Variants in TMED8 observed in about 807,000 individuals in gnomAD.
The protein encoded by TMED8 is protein TMED8.
A neutral mutation model predicts 32.7 loss-of-function variants in TMED8; 15 were observed. The ratio of observed to expected loss-of-function variants is 0.46; its 90% CI spans 0.31 to 0.71. The LOEUF is 0.71. Among genes scored for constraint, TMED8 ranks in the 30% least tolerant of loss-of-function variants. The probability of loss-of-function intolerance (pLI) is 0.06; values close to 1 mark genes in which losing one functional copy is unlikely to be tolerated. For synonymous variants in TMED8, 147 were observed against 161.4 expected, an observed-to-expected ratio of 0.91 and a Z score of 0.68; for missense variants, 390 against 423.9, an observed-to-expected ratio of 0.92 and a Z score of 0.70.
At chr14:77,359,071 C>T (rs1376502142) in intron 1 of TMED8, among the ~76,000 whole-genome samples, 1 of 152,082 alleles carries the variant, frequency 6.6e-6, no homozygotes, top group African/African-American at 2.4e-5. Flanking sequence ...CCACACCTGG[C>T]TAATTTTTTA....
At chr14:77,346,302 A>G in intron 3 of TMED8, 47 bp downstream of exon 3, 2 of 1,604,056 alleles carry the variant, frequency 1.2e-6, no homozygotes, top group South Asian at 2.2e-5. Flanking sequence ...ATGTGTCCAC[A>G]TTCTGGTGCC....
chr14:77,364,380 A>G (rs566997304), intron 1 of TMED8, among the ~76,000 whole-genome samples: 1 of 152,176 alleles, frequency 6.6e-6, no homozygotes, highest in African/African-American at 2.4e-5. Flanking sequence ...TGAGGCTAGG[A>G]CCACAGGTAT....
At position 77,338,208 on chromosome 14, in the gene TMED8, CA is replaced by C. The variant is rs1892811180; in HGVS notation, c.*3562del. ...ACTCTGGTATAGCATCACATGACAG[CA>C]GGCCCCAAAGGAAATTTACCCCCCA... On this transcript the variant is annotated 3_prime_UTR_variant, in exon 6 of 6. Coordinates refer to ENST00000216468, the MANE Select transcript of TMED8 (RefSeq NM_213601.3). 1.3e-5 allele frequency: 2 copies of C among 152,264 alleles called. No individual in the cohort carries two copies. The highest frequency in any genetic ancestry group is 3.9e-4 in the East Asian group (2 of 5,180). 9.4% of individuals were successfully genotyped at this position (152,264 alleles called of 1,614,324 possible). A position where few individuals can be genotyped will look rare whatever the true frequency, so the allele number is the denominator to read the frequency against.
rs1892729727 is a variant in TMED8 at position 77,335,074 on chromosome 14, G to C, written c.*6697C>G. On this transcript the variant is annotated 3_prime_UTR_variant, in exon 6 of 6. Coordinates refer to ENST00000216468, the MANE Select transcript of TMED8 (RefSeq NM_213601.3). Reference sequence around the variant, plus strand: ...TTATGACAGATTCGAAAACTCAGAAGAGATGACAAAGAATGCACAAAAGCA... The same window carrying C: ...TTATGACAGATTCGAAAACTCAGAACAGATGACAAAGAATGCACAAAAGCA... The C allele has an allele frequency of 6.6e-6, 1 of 152,176 alleles. No individual in the cohort carries two copies. The highest frequency in any genetic ancestry group is 1.5e-5 in the Non-Finnish European group (1 of 68,028). The allele number at this position is 152,176 out of a possible 1,614,324, so 9.4% of individuals were successfully genotyped here. A position where few individuals can be genotyped will look rare whatever the true frequency, so the allele number is the denominator to read the frequency against.
At chr14:77,364,694 C>A (rs1893511692) in intron 1 of TMED8, among the ~76,000 whole-genome samples, 1 of 152,144 alleles carries the variant, frequency 6.6e-6, no homozygotes, top group Non-Finnish European at 1.5e-5. Flanking sequence ...CCCCAGCTTG[C>A]ATTTTGTTAT....
intron 1 of TMED8, among the ~76,000 whole-genome samples, chr14:77,355,105 T>G (rs1185858808): frequency 6.6e-6 from 1 of 151,988 alleles, no homozygotes; most frequent in African/African-American, 2.4e-5. Context: ...GTATATCCCT[T>G]GAGAAATACA....
At position 77,339,823 on chromosome 14, in the gene TMED8, C is replaced by T. The variant is rs1892851199; in HGVS notation, c.*1948G>A. The T allele has an allele frequency of 6.6e-6, 1 of 152,218 alleles. No homozygotes were observed. The highest frequency in any genetic ancestry group is 2.1e-4 in the South Asian group (1 of 4,828). The allele number at this position is 152,218 out of a possible 1,614,324, so 9.4% of individuals were successfully genotyped here. ...AGAATGGGAATGCTCTGGCAGTCCC[C>T]AACATCCTATCCCACTTGGGGCTTT... On this transcript the variant is annotated 3_prime_UTR_variant, in exon 6 of 6. Transcript: ENST00000216468.
chr14:77,345,531 C>T (rs1893004703), intron 3 of TMED8, among the ~76,000 whole-genome samples: 1 of 151,892 alleles, frequency 6.6e-6, no homozygotes, highest in Admixed American at 6.6e-5. Context: ...ACCACTACAC[C>T]ATCACTTCCA....
intron 1 of TMED8, among the ~76,000 whole-genome samples, chr14:77,362,168 C>A (rs1269863464): frequency 6.6e-6 from 1 of 151,658 alleles, no homozygotes; most frequent in Admixed American, 6.6e-5. Context: ...ATGGACATAA[C>A]TTCTACCATT....
At chr14:77,352,083 T>G (rs966994176) in intron 1 of TMED8, among the ~76,000 whole-genome samples, 6 of 152,122 alleles carry the variant, frequency 3.9e-5, no homozygotes, top group Non-Finnish European at 1.5e-5. Flanking sequence ...GAGGATTGCT[T>G]GAGACCAGGA....
intron 1 of TMED8, among the ~76,000 whole-genome samples, chr14:77,370,525 TTG>T (rs142679650): frequency 0.018 from 2,729 of 152,182 alleles, 46 homozygotes; most frequent in Middle Eastern, 0.078. Context: ...CATGCCAAGT[TTG>T]TGTGTGTGTC....
chr14:77,343,359 G>A lies in TMED8; in HGVS notation c.579C>T (p.Ile193=). 6.2e-7 allele frequency: 1 copy of A among 1,614,112 alleles called. No individual in the cohort carries two copies. Among genetic ancestry groups the A allele is most frequent in the Non-Finnish European group, 8.5e-7 (1 of 1,180,012 alleles). Residue 193 remains isoleucine (I), a synonymous_variant, in exon 5 of 6, where the codon ATC becomes ATT. Coordinates refer to ENST00000216468, the MANE Select transcript of TMED8 (RefSeq NM_213601.3). ...LVVKRGEVVT[I]RVPTHPEGKR... is the part of the protein sequence containing the mutation. ...TCCCCTCTGGATGAGTAGGTACCCG[G>A]ATGGTCACCACCTCACCACGCTTCA... is the stretch of plus-strand genomic sequence containing the variant.
rs1365694551 is a variant in TMED8 at position 77,372,928 on chromosome 14, A to T, written c.118+4008T>A. ...ATATTATATATATATATATATATATATATATATATATATATATATATATAT... is the reference window on the plus strand; with the variant it reads ...ATATTATATATATATATATATATATTTATATATATATATATATATATATAT... On this transcript the variant is annotated intron_variant, in intron 1 of 5. Coordinates refer to ENST00000216468, the MANE Select transcript of TMED8 (RefSeq NM_213601.3). Among the ~76,000 whole-genome samples, 78 of 26,412 alleles carry T rather than the reference A, an allele frequency of 3.0e-3. 5 individuals carry two copies. The highest frequency in any genetic ancestry group is 7.5e-3 in the South Asian group (7 of 932). 17.3% of individuals were successfully genotyped at this position (26,412 alleles called of 152,430 possible). A position where few individuals can be genotyped will look rare whatever the true frequency, so the allele number is the denominator to read the frequency against.
chr14:77,351,678 G>A lies in TMED8; in HGVS notation c.192C>T (p.Pro64=). 1 of 1,613,218 alleles carries A rather than the reference G, an allele frequency of 6.2e-7. No homozygotes were observed. Among genetic ancestry groups the A allele is most frequent in the Non-Finnish European group, 8.5e-7 (1 of 1,179,582 alleles). The change falls in exon 2 of 6, where the codon CCC becomes CCT. Residue 64 remains proline (P), a synonymous_variant. Transcript: ENST00000216468. ...SATDPEPCSS[P]HRPQMVSPVS... is the part of the protein sequence containing the mutation. ...ATTCTATCCAAAGTGGTTACCTGTG[G>A]GGTGAGGAGCAGGGTTCTGGATCGG...
intron 1 of TMED8, among the ~76,000 whole-genome samples, chr14:77,352,926 T>C (rs72681270): frequency 0.018 from 2,722 of 152,264 alleles, 46 homozygotes; most frequent in Middle Eastern, 0.078. Context: ...GACTTTTGTA[T>C]TTTCATTTAT....
intron 2 of TMED8, among the ~76,000 whole-genome samples, chr14:77,348,352 A>ACT (rs1383702591): frequency 6.6e-6 from 1 of 151,838 alleles, no homozygotes; most frequent in Non-Finnish European, 1.5e-5. Flanking sequence ...CCTCCCGAGT[A>ACT]GCTGGGACTA....
intron 5 of TMED8, among the ~76,000 whole-genome samples, chr14:77,342,810 A>G (rs1566683566): frequency 6.6e-6 from 1 of 152,238 alleles, no homozygotes; most frequent in Non-Finnish European, 1.5e-5. Context: ...GTTCCAGGCC[A>G]AGAATAAATA....
At chr14:77,347,345 C>A (rs868429096) in intron 2 of TMED8, among the ~76,000 whole-genome samples, 1 of 152,192 alleles carries the variant, frequency 6.6e-6, no homozygotes. Context: ...TCAGCAGATC[C>A]GTTTCATACC....
intron 1 of TMED8, chr14:77,359,592 C>T (rs17105740): frequency 0.025 from 10,203 of 405,880 alleles, 199 homozygotes; most frequent in Non-Finnish European, 0.038. Context: ...TGGCTTTCTA[C>T]TTGATCAAAA....
Sources: gnomAD v4.1 joint callset for allele counts (sites outside exome capture counted in the v4.1 genomes callset) on GRCh38, gnomAD v4.1.1 for gene constraint, MANE v1.5 for transcripts, NCBI Gene and HGNC (gene_info 2026-07-23, HGNC 2026-07-21) for gene names.